The following ANO2 variants were observed in gnomAD, a reference collection of about 807,000 sequenced individuals.
ANO2 encodes anoctamin-2.
Under a neutral mutation model 124.2 loss-of-function variants are expected in ANO2, and 101 were observed. The ratio of observed to expected loss-of-function variants is 0.81; its 90% CI spans 0.69 to 0.96. ANO2 has a LOEUF of 0.96. ANO2 is among the 40% of genes least tolerant of loss of function. The probability of loss-of-function intolerance (pLI) is 0.00; values close to 1 mark genes in which losing one functional copy is unlikely to be tolerated. For missense variants in ANO2, 1,293 were observed against 1,274.5 expected (o/e 1.01, Z -0.22); for synonymous variants, 486 against 482.5 (o/e 1.01, Z -0.09).
Position 5,563,394 on chromosome 12 carries a change from C to A in ANO2, c.2902G>T (p.Asp968Tyr). 1 of 1,609,002 alleles carries A rather than the reference C, an allele frequency of 6.2e-7. No individual in the cohort carries two copies. The highest frequency in any genetic ancestry group is 8.5e-7 in the Non-Finnish European group (1 of 1,177,980). Reference sequence around the variant, plus strand: ...CTGGCTGCCCGGCTCCTGCTTCGATCCCCACCTCCTGGGCTCCTCAGAGCC... The same window carrying A: ...CTGGCTGCCCGGCTCCTGCTTCGATACCCACCTCCTGGGCTCCTCAGAGCC... The part of the protein sequence containing the change: ...EPALRSPGGG[D>Y]RSRSRAASSA... The change falls in exon 25 of 25, where the codon GAT (aspartate) becomes TAT (tyrosine). Residue 968 changes from aspartate (D) to tyrosine (Y), a missense_variant. Asp to Tyr is a radical substitution (Grantham distance 160). Transcript: ENST00000682330.
At chr12:5,841,241 G>A (rs1315398581) in intron 4 of ANO2, among the ~76,000 whole-genome samples, 1 of 152,180 alleles carries the variant, frequency 6.6e-6, no homozygotes, top group Non-Finnish European at 1.5e-5. Flanking sequence ...GAGCAGCCAA[G>A]GTCAGCTACA....
intron 15 of ANO2, among the ~76,000 whole-genome samples, chr12:5,640,239 C>T (rs909564009): frequency 6.6e-6 from 1 of 152,150 alleles, no homozygotes; most frequent in Non-Finnish European, 1.5e-5. Flanking sequence ...ATGGTCCTGG[C>T]ATCTTCTGCC....
intron 4 of ANO2, among the ~76,000 whole-genome samples, chr12:5,838,904 G>A (rs946982967): frequency 5.9e-5 from 9 of 152,242 alleles, no homozygotes; most frequent in Non-Finnish European, 1.2e-4. Context: ...GAGATGTGCA[G>A]CTTTGAGCAA....
chr12:5,916,781 G>A (rs1299377913), intron 3 of ANO2, among the ~76,000 whole-genome samples: 1 of 151,590 alleles, frequency 6.6e-6, no homozygotes, highest in Non-Finnish European at 1.5e-5. Flanking sequence ...TGGAATGACT[G>A]CCTGCGAGGT....
rs1184712561 is a variant in ANO2 at position 5,908,053 on chromosome 12, G to A, written c.534+12987C>T. Reference sequence around the variant, plus strand: ...GCAACACACACAAACTCGTAACCACGCACGGGCAGCGTGTGCAGGGAGCCA... The same window carrying A: ...GCAACACACACAAACTCGTAACCACACACGGGCAGCGTGTGCAGGGAGCCA... On this transcript the variant is annotated intron_variant, in intron 3 of 24. Transcript: ENST00000682330. This position sits in a 1 kb window ranked among gnomAD's most constrained non-coding sequence, Gnocchi z 4.7. Among the ~76,000 whole-genome samples the A allele has an allele frequency of 6.6e-6, 1 of 152,216 alleles. No individual in the cohort carries two copies. The highest frequency in any genetic ancestry group is 2.4e-5 in the African/African-American group (1 of 41,450).
rs1445359023 is a variant in ANO2, at chr12:5,578,009, T to C, written c.2387-2A>G. 1 of 1,613,674 alleles carries C rather than the reference T, an allele frequency of 6.2e-7. No individual in the cohort carries two copies. The highest frequency in any genetic ancestry group is 8.5e-7 in the Non-Finnish European group (1 of 1,179,726). ...CAGAGAGAATGTCAAACCAGATTCC[T>C]ACAAGACAGAAAAGACAGCGTCTGG... On this transcript the variant is annotated splice_acceptor_variant, in intron 21 of 24. Transcript: ENST00000682330. LOFTEE classifies it high-confidence loss of function.
intron 14 of ANO2, 60 bp from the exon 15 acceptor site, chr12:5,647,861 C>T (rs1044310669): frequency 6.7e-5 from 86 of 1,289,660 alleles, no homozygotes; most frequent in Non-Finnish European, 9.0e-5. Context: ...TATTAATTTG[C>T]TCTCATTTGC....
intron 14 of ANO2, among the ~76,000 whole-genome samples, chr12:5,673,420 G>A (rs7978600): frequency 0.33 from 49,646 of 152,092 alleles, 9,588 homozygotes; most frequent in East Asian, 0.58. Flanking sequence ...GTTTGTCCTT[G>A]TAAGTGGTTT....
chr12:5,661,816 G>A (rs1339206932), intron 14 of ANO2, among the ~76,000 whole-genome samples: 2 of 152,202 alleles, frequency 1.3e-5, no homozygotes, highest in Non-Finnish European at 2.9e-5. Flanking sequence ...GGGAAATGCT[G>A]TTTTTTAACT....
chr12:5,654,408 G>T (rs2136963783), intron 14 of ANO2, among the ~76,000 whole-genome samples: 1 of 152,286 alleles, frequency 6.6e-6, no homozygotes, highest in Admixed American at 6.5e-5. Context: ...CATAGTAGTT[G>T]ATTTATTCTG....
intron 12 of ANO2, among the ~76,000 whole-genome samples, chr12:5,741,853 T>C (rs551399255): frequency 9.9e-5 from 15 of 152,282 alleles, no homozygotes; most frequent in Admixed American, 3.9e-4. Flanking sequence ...GTCAAGAGTA[T>C]TGACTTTAGT....
In ANO2 at chr12:5,732,428, C is replaced by A. The variant is rs1008522954; in HGVS notation, c.1545+92G>T. ...TGCCCCACATCAACCCCTTCTCAAGCCCAGTCTCCCTTCACTAAGGCGTGC... is the reference window on the plus strand; with the variant it reads ...TGCCCCACATCAACCCCTTCTCAAGACCAGTCTCCCTTCACTAAGGCGTGC... On this transcript the variant is annotated intron_variant, in intron 14 of 24. Transcript: ENST00000682330. 4 of 1,058,726 alleles carry A rather than the reference C, an allele frequency of 3.8e-6. No individual in the cohort carries two copies. The South Asian group carries it at 6.1e-5, about 16-fold the overall frequency. 65.6% of individuals were successfully genotyped at this position (1,058,726 alleles called of 1,614,324 possible).
chr12:5,790,641 C>T (rs1264831911), intron 10 of ANO2, among the ~76,000 whole-genome samples: 1 of 152,186 alleles, frequency 6.6e-6, no homozygotes, highest in African/African-American at 2.4e-5. Flanking sequence ...CCTCTCCCTA[C>T]CTTGCCCAGC....
chr12:5,911,301 T>C lies in ANO2; in HGVS notation c.534+9739A>G, dbSNP rs146729913. Among the ~76,000 whole-genome samples, 848 of 152,296 alleles carry C rather than the reference T, an allele frequency of 5.6e-3. 7 individuals carry two copies. Among genetic ancestry groups the C allele is most frequent in the African/African-American group, 0.019 (804 of 41,560 alleles). On this transcript the variant is annotated intron_variant, in intron 3 of 24. Coordinates refer to ENST00000682330, the MANE Select transcript of ANO2 (RefSeq NM_001364791.2). ...AAAGCAGGAGAGAGGGGCCAGAGACTGAGCCTGGCAGGTCCCTCCTGGCAG... is the reference window on the plus strand; with the variant it reads ...AAAGCAGGAGAGAGGGGCCAGAGACCGAGCCTGGCAGGTCCCTCCTGGCAG...
At chr12:5,576,655 TA>T (rs1407185218) in intron 22 of ANO2, among the ~76,000 whole-genome samples, 2 of 152,258 alleles carry the variant, frequency 1.3e-5, no homozygotes, top group African/African-American at 4.8e-5. Context: ...AAGTGCTCTA[TA>T]AATGTCCATG....
intron 1 of ANO2, among the ~76,000 whole-genome samples, chr12:5,934,092 G>T (rs1328553863): frequency 1.3e-5 from 2 of 152,088 alleles, no homozygotes; most frequent in Non-Finnish European, 2.9e-5. Context: ...AACACTAATC[G>T]CTAACACTTT....
chr12:5,715,232 T>C (rs1367272353), intron 14 of ANO2, among the ~76,000 whole-genome samples: 1 of 152,158 alleles, frequency 6.6e-6, no homozygotes, highest in African/African-American at 2.4e-5. Flanking sequence ...TTTCATACAT[T>C]TTTCGGTCAA....
intron 16 of ANO2, among the ~76,000 whole-genome samples, chr12:5,622,344 T>A (rs1232776084): frequency 6.6e-6 from 1 of 152,220 alleles, no homozygotes; most frequent in South Asian, 2.1e-4. Context: ...CTATTATTTA[T>A]GAGTTTTACT....
chr12:5,821,388 G>A (rs565451320), intron 7 of ANO2, among the ~76,000 whole-genome samples: 2 of 152,342 alleles, frequency 1.3e-5, no homozygotes, highest in South Asian at 4.1e-4. Flanking sequence ...TCATTTGGAT[G>A]TGTTACTCCG....
Sources: allele counts gnomAD v4.1 joint callset (sites outside exome capture counted in the v4.1 genomes callset), GRCh38; gene constraint gnomAD v4.1.1; non-coding constraint Gnocchi (gnomAD v3.1); transcripts MANE v1.5; gene names NCBI Gene and HGNC (gene_info 2026-07-23, HGNC 2026-07-21).